The following RFX1 variants were observed in gnomAD, a reference collection of about 807,000 sequenced individuals.
The protein encoded by RFX1 is regulatory factor X1.
A neutral mutation model predicts 119.6 loss-of-function variants in RFX1; 42 were observed. The ratio of observed to expected loss-of-function variants is 0.35; its 90% CI spans 0.27 to 0.45. RFX1 has a LOEUF of 0.45. RFX1 is among the 20% of genes least tolerant of loss of function. RFX1 has a pLI of 1.00. For synonymous variants in RFX1, 628 were observed against 618.5 expected, an observed-to-expected ratio of 1.02 and a Z score of -0.23; for missense variants, 1,118 against 1,368.1, an observed-to-expected ratio of 0.82 and a Z score of 2.88.
At chr19:13,989,333 AG>A (rs1974720956) in intron 2 of RFX1, among the ~76,000 whole-genome samples, 1 of 151,796 alleles carries the variant, frequency 6.6e-6, no homozygotes, top group African/African-American at 2.4e-5. Flanking sequence ...ATTTGCTAGT[AG>A]GGGCACAGGG....
At chr19:13,971,891 A>G (rs769234231) in intron 9 of RFX1, among the ~76,000 whole-genome samples, 11 of 152,132 alleles carry the variant, frequency 7.2e-5, no homozygotes, top group Non-Finnish European at 1.5e-4. Flanking sequence ...CTATAGTCCC[A>G]GCTACTCGGG....
chr19:13,963,783 G>C, intron 17 of RFX1, 37 bp from the exon 18 acceptor site: 15 of 1,505,596 alleles, frequency 1.0e-5, no homozygotes, highest in Non-Finnish European at 1.3e-5. Context: ...CCGGGGCTCA[G>C]CCGCCGTCAC....
chr19:13,969,900 G>T lies in RFX1; in HGVS notation c.1496+94C>A. On this transcript the variant is annotated intron_variant, in intron 10 of 20. Transcript: ENST00000254325. This position sits in a 1 kb window ranked among gnomAD's most constrained non-coding sequence, Gnocchi z 4.5. ...TCGCAGAGGCCGGCGGGACTGGGCTGGACTGGACTGCCTGAGATGACTCGG... is the reference window on the plus strand; with the variant it reads ...TCGCAGAGGCCGGCGGGACTGGGCTTGACTGGACTGCCTGAGATGACTCGG... The T allele has an allele frequency of 1.5e-6, 2 of 1,319,390 alleles. No individual in the cohort carries two copies. Among genetic ancestry groups the T allele is most frequent in the South Asian group, 1.4e-5 (1 of 70,296 alleles). The allele number at this position is 1,319,390 out of a possible 1,614,324, so 81.7% of individuals were successfully genotyped here.
chr19:14,000,260 C>A (rs992779047), intron 1 of RFX1, among the ~76,000 whole-genome samples: 1 of 152,022 alleles, frequency 6.6e-6, no homozygotes, highest in Non-Finnish European at 1.5e-5. Flanking sequence ...CTGAGGCGGG[C>A]GGATCATTTG....
rs1188085495 is a variant in RFX1, at chr19:13,966,642, T to C, written c.1842A>G (p.Glu614=). 6.3e-7 allele frequency: 1 copy of C among 1,598,820 alleles called. No individual in the cohort carries two copies. Among genetic ancestry groups the C allele is most frequent in the Non-Finnish European group, 8.5e-7 (1 of 1,171,190 alleles). ...DIKAFQVLYR[E]HCEAIVDVMV... ...CACCTGGCCACCCTACCTCACAGTG[T>C]TCCCGGTACAGGACCTGGAAGGCTT... Residue 614 remains glutamate, a synonymous_variant, in exon 13 of 21, where the codon GAA becomes GAG. Transcript: ENST00000254325. This position sits in a 1 kb window ranked among gnomAD's most constrained non-coding sequence, Gnocchi z 6.3.
At position 13,962,970 on chromosome 19, in the gene RFX1, T is replaced by C. The variant is rs564828373; in HGVS notation, c.2770+24A>G. 51 of 1,549,310 alleles carry C rather than the reference T, an allele frequency of 3.3e-5. No individual in the cohort carries two copies. In the African/African-American group the frequency reaches 6.7e-4, roughly 20 times the overall value. ...TCCGCCACCCCCGGGACCCGCGCCC[T>C]GGGTGGGAACACGCCTCGCCTACCT... On this transcript the variant is annotated intron_variant, in intron 20 of 20. Coordinates refer to ENST00000254325, the MANE Select transcript of RFX1 (RefSeq NM_002918.5).
rs1284198593 is a variant in RFX1, at chr19:13,962,437, T to G, written c.*258A>C. 2 of 494,520 alleles carry G rather than the reference T, an allele frequency of 4.0e-6. No individual in the cohort carries two copies. The highest frequency in any genetic ancestry group is 7.1e-6 in the Non-Finnish European group (2 of 280,200). 30.6% of individuals were successfully genotyped at this position (494,520 alleles called of 1,614,324 possible). On this transcript the variant is annotated 3_prime_UTR_variant, in exon 21 of 21. Transcript: ENST00000254325. ...GAGGGGGGCGGCCAAGGGGCCGAGC[T>G]GGATGCCCCGCGGGGCACCTGGGCA... is the stretch of plus-strand genomic sequence containing the variant.
At chr19:13,999,500 C>T (rs1245669211) in intron 1 of RFX1, among the ~76,000 whole-genome samples, 1 of 152,086 alleles carries the variant, frequency 6.6e-6, no homozygotes, top group Non-Finnish European at 1.5e-5. Flanking sequence ...AGGCTGTGTG[C>T]GAATAAAACT....
At chr19:13,974,696 A>G (rs543310011) in intron 8 of RFX1, among the ~76,000 whole-genome samples, 1 of 152,166 alleles carries the variant, frequency 6.6e-6, no homozygotes, top group Admixed American at 6.5e-5. Context: ...ATCTCGCTAA[A>G]CATCGTTGGA....
Position 13,969,794 on chromosome 19 carries a change from GAGGGGTGAGAAGC to G in RFX1, c.1496+187_1496+199del, listed in dbSNP as rs1974016341. ...GGCAGTCAGGGGACGTGCAAGTAAG[GAGGGGTGAGAAGC>G]ACATGAGGTGGAAGGCACCGCCAGT... On this transcript the variant is annotated intron_variant, in intron 10 of 20. Transcript: ENST00000254325. The surrounding 1 kb of genome is among the most constrained non-coding windows in gnomAD (Gnocchi z 4.5). The G allele has an allele frequency of 2.0e-6, 1 of 502,316 alleles. No individual in the cohort carries two copies. The highest frequency in any genetic ancestry group is 3.7e-5 in the Admixed American group (1 of 27,142). The allele number at this position is 502,316 out of a possible 1,614,324, so 31.1% of individuals were successfully genotyped here.
Position 13,965,692 on chromosome 19 carries a change from A to G in RFX1, c.2047T>C (p.Cys683Arg). 1 of 1,613,938 alleles carries G rather than the reference A, an allele frequency of 6.2e-7. No individual in the cohort carries two copies. Among genetic ancestry groups the G allele is most frequent in the Non-Finnish European group, 8.5e-7 (1 of 1,179,978 alleles). The change falls in exon 15 of 21, where the codon TGT becomes CGT. Residue 683 changes from cysteine to arginine, a missense_variant. Cys to Arg is a radical substitution (Grantham distance 180). Transcript: ENST00000254325. This position sits in a 1 kb window ranked among gnomAD's most constrained non-coding sequence, Gnocchi z 4.7. Reference protein sequence around the residue: ...FEPVLQWTKHCDNVLYQGLVE... With the variant: ...FEPVLQWTKHRDNVLYQGLVE... ...AGGCCCTGGTACAGCACGTTGTCAC[A>G]GTGCTTGGTCCATTGGAGCACGGGC...
chr19:13,977,025 G>A (rs10421922), intron 8 of RFX1, among the ~76,000 whole-genome samples: 2,071 of 149,600 alleles, frequency 0.014, 46 homozygotes, highest in African/African-American at 0.048. Flanking sequence ...AGTCCAGTGC[G>A]GTGGCTCATG....
intron 1 of RFX1, among the ~76,000 whole-genome samples, chr19:14,002,768 G>C (rs1975258428): frequency 6.6e-6 from 1 of 152,200 alleles, no homozygotes; most frequent in Non-Finnish European, 1.5e-5. Flanking sequence ...ACCACGTCCT[G>C]TACAGCTGCT....
rs2145546418 is a variant in RFX1 at position 13,968,461 on chromosome 19, G to C, written c.1732+104C>G. The C allele has an allele frequency of 1.1e-6, 1 of 899,114 alleles. No individual in the cohort carries two copies. The highest frequency in any genetic ancestry group is 1.8e-6 in the Non-Finnish European group (1 of 547,788). The allele number at this position is 899,114 out of a possible 1,614,324, so 55.7% of individuals were successfully genotyped here. A position where few individuals can be genotyped will look rare whatever the true frequency, so the allele number is the denominator to read the frequency against. ...CTGGTTCTCGGGCATCTCTCACCAA[G>C]CCCTCCCCAGCTCAGAGGCTGCCTG... On this transcript the variant is annotated intron_variant, in intron 12 of 20. Transcript: ENST00000254325. This position sits in a 1 kb window ranked among gnomAD's most constrained non-coding sequence, Gnocchi z 5.5.
rs762993936 is a variant in RFX1 at position 13,963,125 on chromosome 19, G to C, written c.2721C>G (p.Gly907=). Residue 907 remains glycine, a synonymous_variant, in exon 19 of 21, where the codon GGC becomes GGG. Transcript: ENST00000254325. The part of the protein sequence containing the change: ...AKGETPIAVM[G]EFANLATSLN... ...CCCAGTGGCCCGCCTCGCGCACCTC[G>C]CCCATGACGGCGATGGGGGTCTCGC... is the stretch of plus-strand genomic sequence containing the variant. 5 of 1,610,926 alleles carry C rather than the reference G, an allele frequency of 3.1e-6. No individual in the cohort carries two copies. Among genetic ancestry groups the C allele is most frequent in the Non-Finnish European group, 4.2e-6 (5 of 1,178,458 alleles).
Position 13,983,256 on chromosome 19 carries a change from C to T in RFX1, c.444G>A (p.Gln148=). The T allele has an allele frequency of 6.4e-7, 1 of 1,563,360 alleles. No individual in the cohort carries two copies. Among genetic ancestry groups the T allele is most frequent in the African/African-American group, 1.4e-5 (1 of 74,010 alleles). ...GGCCTGGCTTGGCCTGCACGCTCGT[C>T]TGGACCAGCAGCCGCTGTGGAGACA... The part of the protein sequence containing the change: ...VQGTQQRLLV[Q]TSVQAKPGHV... Residue 148 remains glutamine, a synonymous_variant, in exon 4 of 21, where the codon CAG becomes CAA. Coordinates refer to ENST00000254325, the MANE Select transcript of RFX1 (RefSeq NM_002918.5).
Position 13,964,003 on chromosome 19 carries a change from G to A in RFX1, c.2216C>T (p.Ala739Val), listed in dbSNP as rs376569607. 9.1e-6 allele frequency: 14 copies of A among 1,533,558 alleles called. No individual in the cohort carries two copies. The African/African-American group carries it at 1.5e-4, about 17-fold the overall frequency. The allele number at this position is 1,533,558 out of a possible 1,614,324, so 95.0% of individuals were successfully genotyped here. A position where few individuals can be genotyped will look rare whatever the true frequency, so the allele number is the denominator to read the frequency against. ...IPEEMLRVKV[A>V]AAGAFAQTLR... is the part of the protein sequence containing the mutation. ...TGTCTGCGCGAAGGCGCCAGCCGCG[G>A]CCACCTGCGTGCAGGGATTGAGGGG... Residue 739 changes from alanine to valine, a missense_variant, in exon 17 of 21, where the codon GCC (alanine) becomes GTC (valine). Ala to Val is a moderately conservative substitution (Grantham distance 64). This residue lies in a region of RFX1 where 338 missense variants were observed against 508.9 expected (regional missense o/e 0.66). Transcript: ENST00000254325.
At chr19:13,991,108 T>C (rs994408029) in intron 2 of RFX1, among the ~76,000 whole-genome samples, 2 of 152,206 alleles carry the variant, frequency 1.3e-5, no homozygotes, top group African/African-American at 4.8e-5. Flanking sequence ...GAGCGTGTTC[T>C]GGATATGGGT....
chr19:13,981,972 G>A (rs777643428), intron 5 of RFX1, 149 bp downstream of exon 5: 8 of 380,358 alleles, frequency 2.1e-5, no homozygotes, highest in Non-Finnish European at 2.8e-5. Flanking sequence ...CAACAAGGGC[G>A]TTGCACTGGG....
Sources: gnomAD v4.1 joint callset for allele counts (sites outside exome capture counted in the v4.1 genomes callset) on GRCh38, gnomAD v4.1.1 for gene constraint, gnomAD v4.1.1 regional missense constraint, Gnocchi (gnomAD v3.1) non-coding constraint, MANE v1.5 for transcripts, NCBI Gene and HGNC (gene_info 2026-07-23, HGNC 2026-07-21) for gene names.